The following ASAH2 variants were observed in gnomAD, a reference collection of about 807,000 sequenced individuals.
ASAH2 encodes the protein N-acylsphingosine amidohydrolase 2.
Under a neutral mutation model 82.9 loss-of-function variants are expected in ASAH2, and 58 were observed. That is an observed-to-expected ratio of 0.70 (90% confidence interval 0.57 to 0.87). The LOEUF (loss-of-function observed/expected upper bound fraction) is 0.87, where lower values mean the gene tolerates loss of function less well. Ranked by LOEUF, ASAH2 falls within the 40% of genes least tolerant of loss-of-function variation. The pLI, the probability that ASAH2 is intolerant of heterozygous loss-of-function variation, is 0.00. For missense variants in ASAH2, 779 were observed against 834.0 expected (o/e 0.93, Z 0.81); for synonymous variants, 276 against 289.7 (o/e 0.95, Z 0.48).
chr10:50,251,135 T>C (rs1187235526), intron 1 of ASAH2, among the ~76,000 whole-genome samples: 1 of 152,262 alleles, frequency 6.6e-6, no homozygotes, highest in Non-Finnish European at 1.5e-5. Context: ...GATTTTATAA[T>C]GGTTCACACT....
Position 50,204,419 on chromosome 10 carries a change from G to C in ASAH2, c.1625+442C>G, listed in dbSNP as rs1393558876. 2.0e-5 allele frequency among the ~76,000 whole-genome samples: 3 copies of C among 151,816 alleles called. No individual in the cohort carries two copies. The East Asian group carries it at 5.8e-4, about 29-fold the overall frequency. On this transcript the variant is annotated intron_variant, in intron 14 of 20. Transcript: ENST00000682911. ...AAAGAGGAAGAAACAGAAAAAGAGG[G>C]AATTCAAGGATGACTCCAAGAGATA...
intron 7 of ASAH2, among the ~76,000 whole-genome samples, chr10:50,223,631 A>G (rs1257181739): frequency 6.6e-6 from 1 of 152,230 alleles, no homozygotes; most frequent in Admixed American, 6.5e-5. Flanking sequence ...TGGGTTGAAT[A>G]GTGTCACTCA....
intron 7 of ASAH2, among the ~76,000 whole-genome samples, chr10:50,230,445 G>A (rs1446509628): frequency 6.6e-6 from 1 of 152,074 alleles, no homozygotes; most frequent in Non-Finnish European, 1.5e-5. Context: ...TATGGTGGGT[G>A]AGTTACTTAG....
In ASAH2 at chr10:50,199,102, T is replaced by G. The variant is rs1320321370; in HGVS notation, c.1806A>C (p.Thr602=). 7 of 1,613,224 alleles carry G rather than the reference T, an allele frequency of 4.3e-6. No individual in the cohort carries two copies. Among genetic ancestry groups the G allele is most frequent in the African/African-American group, 1.3e-5 (1 of 74,852 alleles). Residue 602 remains threonine (T), a synonymous_variant, in exon 17 of 21, where the codon ACA becomes ACC. Coordinates refer to ENST00000682911, the MANE Select transcript of ASAH2 (RefSeq NM_019893.4). ...TGAAGAGCTGAATGTAAGCAGATAATGTGTGCGGTCCATAAATTGTCGATG... is the reference window on the plus strand; with the variant it reads ...TGAAGAGCTGAATGTAAGCAGATAAGGTGTGCGGTCCATAAATTGTCGATG... The part of the protein sequence containing the change: ...EAASTIYGPH[T]LSAYIQLFRN...
chr10:50,235,578 T>C (rs1846137577), intron 5 of ASAH2, among the ~76,000 whole-genome samples: 2 of 152,104 alleles, frequency 1.3e-5, no homozygotes, highest in African/African-American at 2.4e-5. Flanking sequence ...TGTGTGACTT[T>C]GTGCAAAGAA....
chr10:50,250,842 A>T (rs1332869101), intron 1 of ASAH2, among the ~76,000 whole-genome samples: 1 of 152,234 alleles, frequency 6.6e-6, no homozygotes, highest in Admixed American at 6.5e-5. Flanking sequence ...TTGATTTAAC[A>T]TTAGTGTTTC....
chr10:50,210,900 T>G lies in ASAH2; in HGVS notation c.1337A>C (p.Lys446Thr). ...GTAGCCCAATGCTGGTTTACATGTTTTTGACTAAAGGAAAAGTTTTAAAAA... is the reference window on the plus strand; with the variant it reads ...GTAGCCCAATGCTGGTTTACATGTTGTTGACTAAAGGAAAAGTTTTAAAAA... ...TVWLNSTHAS[K>T]TCKPALGYSF... Residue 446 changes from lysine (K) to threonine (T), a missense_variant, in exon 12 of 21, where the codon AAA (lysine) becomes ACA (threonine). Transcript: ENST00000682911. 1 of 1,613,520 alleles carries G rather than the reference T, an allele frequency of 6.2e-7. No homozygotes were observed.
At chr10:50,202,507 G>A (rs929319991) in intron 16 of ASAH2, among the ~76,000 whole-genome samples, 2 of 151,998 alleles carry the variant, frequency 1.3e-5, no homozygotes, top group African/African-American at 4.8e-5. Context: ...TGCTACAGAG[G>A]CTTAAGGCAT....
At chr10:50,199,310 C>T (rs1435480722) in intron 16 of ASAH2, among the ~76,000 whole-genome samples, 164 bp from the exon 17 acceptor site, 2 of 151,968 alleles carry the variant, frequency 1.3e-5, no homozygotes, top group African/African-American at 4.8e-5. Flanking sequence ...TTTCCATTTA[C>T]TGGCCAAGGT....
chr10:50,220,915 G>A (rs1845727856), intron 7 of ASAH2, among the ~76,000 whole-genome samples: 1 of 149,698 alleles, frequency 6.7e-6, no homozygotes. Context: ...TTGAATCTGG[G>A]CAATAAGTTA....
chr10:50,226,919 T>A (rs1262090318), intron 7 of ASAH2, among the ~76,000 whole-genome samples: 1 of 152,138 alleles, frequency 6.6e-6, no homozygotes, highest in East Asian at 1.9e-4. Context: ...TGTTGTGTTG[T>A]TGCAGCCATT....
intron 12 of ASAH2, among the ~76,000 whole-genome samples, chr10:50,207,095 A>G (rs1295178294): frequency 6.6e-6 from 1 of 151,974 alleles, no homozygotes; most frequent in African/African-American, 2.4e-5. Context: ...CAAGGAAGAA[A>G]TCAAAGGAAA....
Position 50,205,969 on chromosome 10 carries a change from GA to G in ASAH2, c.1530+12del, listed in dbSNP as rs1845283156. The G allele has an allele frequency of 6.3e-7, 1 of 1,584,032 alleles. No individual in the cohort carries two copies. Among genetic ancestry groups the G allele is most frequent in the Non-Finnish European group, 8.7e-7 (1 of 1,152,994 alleles). On this transcript the variant is annotated intron_variant, in intron 13 of 20. Coordinates refer to ENST00000682911, the MANE Select transcript of ASAH2 (RefSeq NM_019893.4). ...AATATGCTAATTTCACTATGATAAC[GA>G]AAATGCATTACTTCTCCGGTGTGAA...
At chr10:50,234,953 C>T (rs1200446618) in intron 5 of ASAH2, among the ~76,000 whole-genome samples, 1 of 152,088 alleles carries the variant, frequency 6.6e-6, no homozygotes, top group Non-Finnish European at 1.5e-5. Context: ...TGCCATTCTA[C>T]CACCAAGGCA....
chr10:50,239,828 A>ATTT lies in ASAH2; in HGVS notation c.510+3371_510+3373dup, dbSNP rs1208518684. Among the ~76,000 whole-genome samples the ATTT allele has an allele frequency of 7.4e-3, 893 of 120,624 alleles. 32 individuals are homozygous for ATTT. The highest frequency in any genetic ancestry group is 9.0e-3 in the Non-Finnish European group (537 of 59,590). The allele number at this position is 120,624 out of a possible 152,430, so 79.1% of individuals were successfully genotyped here. A position where few individuals can be genotyped will look rare whatever the true frequency, so the allele number is the denominator to read the frequency against. On this transcript the variant is annotated intron_variant, in intron 4 of 20. Transcript: ENST00000682911. ...TATTCATCTCCAAATCTCACATTTAATTTTTTTTTTTTTTTTTTTGAGTCA... is the reference window on the plus strand; with the variant it reads ...TATTCATCTCCAAATCTCACATTTAATTTTTTTTTTTTTTTTTTTTTTGAGTCA...
intron 3 of ASAH2, among the ~76,000 whole-genome samples, chr10:50,244,077 G>C (rs1240078040): frequency 6.6e-6 from 1 of 152,198 alleles, no homozygotes; most frequent in Non-Finnish European, 1.5e-5. Flanking sequence ...CAGCAGAGAA[G>C]GGGCTGTCTG....
chr10:50,200,859 G>A (rs2133199258), intron 16 of ASAH2, among the ~76,000 whole-genome samples: 1 of 152,156 alleles, frequency 6.6e-6, no homozygotes, highest in African/African-American at 2.4e-5. Flanking sequence ...CCTGGCAAAG[G>A]CCCCACCCTT....
At chr10:50,216,513 A>G (rs987353494) in intron 8 of ASAH2, among the ~76,000 whole-genome samples, 8 of 152,228 alleles carry the variant, frequency 5.3e-5, no homozygotes, top group Admixed American at 2.6e-4. Flanking sequence ...TGACCAGTCA[A>G]TCTAGTCTAT....
intron 14 of ASAH2, 40 bp downstream of exon 14, chr10:50,204,821 C>T: frequency 7.0e-7 from 1 of 1,430,022 alleles, no homozygotes; most frequent in Non-Finnish European, 9.8e-7. Context: ...GAACATACAA[C>T]AAACACATTT....
Sources: gnomAD v4.1 joint callset for allele counts (sites outside exome capture counted in the v4.1 genomes callset) on GRCh38, gnomAD v4.1.1 for gene constraint, MANE v1.5 for transcripts, NCBI Gene and HGNC (gene_info 2026-07-23, HGNC 2026-07-21) for gene names.